CTNND2: variants seen among roughly 807,000 people sequenced by gnomAD.
The protein encoded by CTNND2 is catenin delta 2, also known as catenin delta-2.
Under a neutral mutation model 144.4 loss-of-function variants are expected in CTNND2, and 22 were observed. The observed-to-expected ratio is 0.15, with a 90% CI of 0.11 to 0.22. CTNND2 has a LOEUF of 0.22. CTNND2 is among the 10% of genes least tolerant of loss of function. The probability of loss-of-function intolerance (pLI) is 1.00; values close to 1 mark genes in which losing one functional copy is unlikely to be tolerated. For synonymous variants in CTNND2, 751 were observed against 695.6 expected (o/e 1.08, Z -1.25); for missense variants, 1,353 against 1,618.8 (o/e 0.84, Z 2.82).
At chr5:11,361,492 T>C (rs971915247) in intron 8 of CTNND2, among the ~76,000 whole-genome samples, 12 of 152,304 alleles carry the variant, frequency 7.9e-5, no homozygotes, top group African/African-American at 2.9e-4. Context: ...ACACAACCCG[T>C]GTGACCTTCG....
chr5:11,761,565 A>C (rs1420624666), intron 1 of CTNND2, among the ~76,000 whole-genome samples: 1 of 152,212 alleles, frequency 6.6e-6, no homozygotes, highest in Non-Finnish European at 1.5e-5. Flanking sequence ...TCACCAAGGA[A>C]AAAGTAAATA....
At chr5:11,300,749 C>T (rs2150032110) in intron 9 of CTNND2, among the ~76,000 whole-genome samples, 1 of 152,092 alleles carries the variant, frequency 6.6e-6, no homozygotes, top group East Asian at 1.9e-4. Context: ...TTTTATCTGG[C>T]TACCTTAGAC....
intron 1 of CTNND2, among the ~76,000 whole-genome samples, chr5:11,780,553 C>A (rs540993194): frequency 3.3e-5 from 5 of 152,282 alleles, no homozygotes; most frequent in African/African-American, 1.2e-4. Context: ...CAGCTTTTAT[C>A]TCTGAGCTAG....
rs115617944 is a variant in CTNND2, at chr5:11,360,007, G to A, written c.1372+4689C>T. Reference sequence around the variant, plus strand: ...TAGATGTTCCTATATGCATGCTCAGGAGGTCTCTAACATTATGGCTAGGTA... The same window carrying A: ...TAGATGTTCCTATATGCATGCTCAGAAGGTCTCTAACATTATGGCTAGGTA... On this transcript the variant is annotated intron_variant, in intron 8 of 21. Coordinates refer to ENST00000304623, the MANE Select transcript of CTNND2 (RefSeq NM_001332.4). Among the ~76,000 whole-genome samples, 422 of 152,262 alleles carry A rather than the reference G, an allele frequency of 2.8e-3. 2 individuals carry two copies. The highest frequency in any genetic ancestry group is 9.5e-3 in the African/African-American group (393 of 41,562).
intron 16 of CTNND2, among the ~76,000 whole-genome samples, chr5:11,073,509 C>T (rs1748575312): frequency 6.6e-6 from 1 of 152,184 alleles, no homozygotes; most frequent in South Asian, 2.1e-4. Flanking sequence ...GTCTTTTTCC[C>T]CACATGGAGT....
intron 2 of CTNND2, among the ~76,000 whole-genome samples, chr5:11,662,313 T>A (rs1235680607): frequency 6.7e-6 from 1 of 149,642 alleles, no homozygotes; most frequent in African/African-American, 2.5e-5. Context: ...AGAGGGTTTA[T>A]TAAGTAGTAT....
chr5:11,487,296 C>T (rs1290298444), intron 3 of CTNND2, among the ~76,000 whole-genome samples: 1 of 152,190 alleles, frequency 6.6e-6, no homozygotes, highest in East Asian at 1.9e-4. Flanking sequence ...ATAATACATA[C>T]ACACAGCGAC....
At chr5:11,605,949 A>G (rs1042395473) in intron 2 of CTNND2, among the ~76,000 whole-genome samples, 2 of 152,184 alleles carry the variant, frequency 1.3e-5, no homozygotes, top group Non-Finnish European at 2.9e-5. Context: ...TAAAATAGGG[A>G]GGCTAACCTG....
chr5:11,868,377 G>A (rs1795875594), intron 1 of CTNND2, among the ~76,000 whole-genome samples: 1 of 152,184 alleles, frequency 6.6e-6, no homozygotes, highest in Admixed American at 6.5e-5. Context: ...CTTCAAAAGA[G>A]GTATGAAACC....
chr5:11,279,861 G>A (rs1455754358), intron 9 of CTNND2, among the ~76,000 whole-genome samples: 3 of 152,106 alleles, frequency 2.0e-5, no homozygotes, highest in African/African-American at 7.2e-5. Flanking sequence ...AGTTTTAAAT[G>A]TCCAGATCTT....
At chr5:11,748,007 C>CA (rs1470888645) in intron 1 of CTNND2, among the ~76,000 whole-genome samples, 2 of 152,020 alleles carry the variant, frequency 1.3e-5, no homozygotes, top group African/African-American at 4.8e-5. Flanking sequence ...CAGTCAAGCA[C>CA]AAAAAATCTC....
intron 1 of CTNND2, among the ~76,000 whole-genome samples, chr5:11,839,412 C>T (rs553844038): frequency 1.3e-5 from 2 of 152,084 alleles, no homozygotes; most frequent in South Asian, 4.2e-4. Context: ...AACAAACTAC[C>T]CCAGATTTAG....
At chr5:11,140,279 G>A (rs1159936128) in intron 12 of CTNND2, among the ~76,000 whole-genome samples, 1 of 152,146 alleles carries the variant, frequency 6.6e-6, no homozygotes, top group East Asian at 1.9e-4. Flanking sequence ...CCAGGGCAAA[G>A]GAACAGGTTC....
intron 1 of CTNND2, among the ~76,000 whole-genome samples, chr5:11,831,376 G>GA (rs1365990083): frequency 6.6e-6 from 1 of 151,880 alleles, no homozygotes; most frequent in Non-Finnish European, 1.5e-5. Flanking sequence ...GAATGAGGAG[G>GA]AAAAAAGAGT....
At chr5:11,291,201 T>C (rs1748314711) in intron 9 of CTNND2, among the ~76,000 whole-genome samples, 2 of 152,168 alleles carry the variant, frequency 1.3e-5, no homozygotes, top group Non-Finnish European at 2.9e-5. Context: ...CAGCCTAACC[T>C]GGGAGCCACT....
intron 15 of CTNND2, among the ~76,000 whole-genome samples, chr5:11,094,755 C>T (rs1196757055): frequency 6.6e-6 from 1 of 152,198 alleles, no homozygotes; most frequent in African/African-American, 2.4e-5. Flanking sequence ...TGAGCCACAA[C>T]ACCTGGCCAG....
chr5:11,137,674 T>A (rs932786461), intron 12 of CTNND2, among the ~76,000 whole-genome samples: 1 of 152,180 alleles, frequency 6.6e-6, no homozygotes, highest in African/African-American at 2.4e-5. Context: ...CTTGCAAACA[T>A]GCAAAACACA....
At chr5:11,470,876 C>A (rs1243866275) in intron 3 of CTNND2, among the ~76,000 whole-genome samples, 2 of 148,376 alleles carry the variant, frequency 1.3e-5, no homozygotes, top group East Asian at 3.9e-4. Flanking sequence ...ATTTTCATCA[C>A]AATATGGGCA....
chr5:11,331,374 GA>G (rs1753126593), intron 9 of CTNND2, among the ~76,000 whole-genome samples: 1 of 152,158 alleles, frequency 6.6e-6, no homozygotes, highest in Non-Finnish European at 1.5e-5. Context: ...TCAGGAAACA[GA>G]ACTTTGGTTC....
Sources: gnomAD v4.1 joint callset for allele counts (sites outside exome capture counted in the v4.1 genomes callset) on GRCh38, gnomAD v4.1.1 for gene constraint, MANE v1.5 for transcripts, NCBI Gene and HGNC (gene_info 2026-07-23, HGNC 2026-07-21) for gene names.